SLC6A11: variants seen among roughly 807,000 people sequenced by gnomAD.
SLC6A11 encodes the protein sodium- and chloride-dependent GABA transporter 3.
A neutral mutation model predicts 74.8 loss-of-function variants in SLC6A11; 25 were observed. The observed-to-expected ratio is 0.33, with a 90% CI of 0.24 to 0.47. The LOEUF (loss-of-function observed/expected upper bound fraction) is 0.47, where lower values mean the gene tolerates loss of function less well. SLC6A11 is among the 20% of genes least tolerant of loss of function. The pLI is 1.00. For missense variants in SLC6A11, 574 were observed against 837.0 expected (o/e 0.69, Z 3.88); for synonymous variants, 330 against 330.2 (o/e 1.00, Z 0.01).
Position 10,938,285 on chromosome 3 carries a change from G to C in SLC6A11, c.1782G>C (p.Leu594=). 7 of 1,611,884 alleles carry C rather than the reference G, an allele frequency of 4.3e-6. No individual in the cohort carries two copies. Among genetic ancestry groups the C allele is most frequent in the Non-Finnish European group, 5.1e-6 (6 of 1,178,422 alleles). The change falls in exon 14 of 14, where the codon CTG becomes CTC. Residue 594 remains leucine (L), a synonymous_variant. Transcript: ENST00000254488. ...AGTTGACGACCCCCAGCACAGATCT[G>C]AAAATGCGGGGCAAGCTTGGGGTGA... The part of the protein sequence containing the change: ...LQKLTTPSTD[L]KMRGKLGVSP...
At chr3:10,935,395 A>G in intron 13 of SLC6A11, 196 bp downstream of exon 13, 1 of 572,168 alleles carries the variant, frequency 1.7e-6, no homozygotes, top group South Asian at 2.1e-5. Context: ...TGGCTGAGCC[A>G]GTTTCTAGGA....
At chr3:10,892,992 A>G (rs1575692112) in intron 6 of SLC6A11, among the ~76,000 whole-genome samples, 2 of 152,098 alleles carry the variant, frequency 1.3e-5, no homozygotes, top group South Asian at 4.2e-4. Context: ...ATTTTATCCA[A>G]CTCTACCTCT....
At chr3:10,848,587 A>G (rs1333401242) in intron 5 of SLC6A11, among the ~76,000 whole-genome samples, 3 of 152,152 alleles carry the variant, frequency 2.0e-5, no homozygotes, top group Non-Finnish European at 4.4e-5. Context: ...TGCTTAATAG[A>G]CATTTGTGAA....
intron 8 of SLC6A11, among the ~76,000 whole-genome samples, chr3:10,922,134 A>C (rs1178573377): frequency 6.6e-6 from 1 of 152,208 alleles, no homozygotes; most frequent in African/African-American, 2.4e-5. Flanking sequence ...GACTTCATTG[A>C]TATTTATCAA....
rs745906643 is a variant in SLC6A11, at chr3:10,933,261, G to T, written c.1474+8G>T. Reference sequence around the variant, plus strand: ...GCATCGGCTGGGTGTATGGTGAGTAGCAGCCAAGCCCGTCCACACCCCAGC... The same window carrying T: ...GCATCGGCTGGGTGTATGGTGAGTATCAGCCAAGCCCGTCCACACCCCAGC... On this transcript the variant is annotated splice_region_variant and intron_variant, in intron 11 of 13. Coordinates refer to ENST00000254488, the MANE Select transcript of SLC6A11 (RefSeq NM_014229.3). The T allele has an allele frequency of 3.8e-5, 61 of 1,603,516 alleles. No homozygotes were observed. The East Asian group carries it at 6.7e-4, about 18-fold the overall frequency.
intron 10 of SLC6A11, 77 bp downstream of exon 10, chr3:10,929,416 G>C (rs545598170): frequency 2.0e-6 from 3 of 1,534,876 alleles, no homozygotes; most frequent in African/African-American, 2.7e-5. Context: ...GTGACCAGCT[G>C]TGTGACCCGG....
At chr3:10,919,356 A>G (rs1695503759) in intron 8 of SLC6A11, among the ~76,000 whole-genome samples, 1 of 152,212 alleles carries the variant, frequency 6.6e-6, no homozygotes, top group Non-Finnish European at 1.5e-5. Flanking sequence ...TTTTTCACCT[A>G]CAAGCATGTC....
chr3:10,878,404 C>CT (rs34982364), intron 6 of SLC6A11, among the ~76,000 whole-genome samples: 13,570 of 128,128 alleles, frequency 0.11, 1,054 homozygotes, highest in East Asian at 0.25. Flanking sequence ...TCCACTCATC[C>CT]TTTTTTTTTT....
intron 5 of SLC6A11, among the ~76,000 whole-genome samples, chr3:10,868,624 C>G (rs1694792621): frequency 6.6e-6 from 1 of 152,238 alleles, no homozygotes; most frequent in Non-Finnish European, 1.5e-5. Flanking sequence ...ATTAGACCCT[C>G]CTTTCTCCAC....
intron 6 of SLC6A11, among the ~76,000 whole-genome samples, chr3:10,897,547 C>T (rs1695185587): frequency 6.6e-6 from 1 of 152,202 alleles, no homozygotes; most frequent in Non-Finnish European, 1.5e-5. Context: ...TCTTAAAGCT[C>T]CAAAATGATC....
At position 10,873,399 on chromosome 3, in the gene SLC6A11, G is replaced by GCTATCCTATC. The variant is rs1376789414; in HGVS notation, c.757-1517_757-1508dup. 9.6e-4 allele frequency among the ~76,000 whole-genome samples: 87 copies of GCTATCCTATC among 90,798 alleles called. 2 individuals carry two copies. The highest frequency in any genetic ancestry group is 5.9e-3 in the South Asian group (15 of 2,558). The allele number at this position is 90,798 out of a possible 152,430, so 59.6% of individuals were successfully genotyped here. A position where few individuals can be genotyped will look rare whatever the true frequency, so the allele number is the denominator to read the frequency against. On this transcript the variant is annotated intron_variant, in intron 5 of 13. Transcript: ENST00000254488. ...CCTTCATTATTGTATCCTATCCTAT[G>GCTATCCTATC]CTATCCTATCCTATCCTATCCTATC...
intron 10 of SLC6A11, among the ~76,000 whole-genome samples, chr3:10,929,672 C>T (rs1881364): frequency 0.29 from 43,360 of 152,090 alleles, 6,432 homozygotes; most frequent in East Asian, 0.45. Flanking sequence ...GAAGCAACAA[C>T]GTCAGCTACT....
intron 5 of SLC6A11, among the ~76,000 whole-genome samples, chr3:10,861,936 G>T (rs1694707326): frequency 6.6e-6 from 1 of 152,208 alleles, no homozygotes; most frequent in Non-Finnish European, 1.5e-5. Flanking sequence ...TTGGATGGAT[G>T]GGAGGAGAGT....
At chr3:10,831,091 C>G (rs1023292388) in intron 4 of SLC6A11, among the ~76,000 whole-genome samples, 16 of 152,200 alleles carry the variant, frequency 1.1e-4, no homozygotes, top group African/African-American at 3.9e-4. Flanking sequence ...CAGCCTCCCA[C>G]TTGCTGTGAG....
At chr3:10,839,321 C>G (rs754662055) in intron 4 of SLC6A11, among the ~76,000 whole-genome samples, 2 of 152,220 alleles carry the variant, frequency 1.3e-5, no homozygotes. Flanking sequence ...ATGGTCTCAC[C>G]TCTCATCTGC....
intron 5 of SLC6A11, among the ~76,000 whole-genome samples, chr3:10,863,600 A>C (rs1351929601): frequency 6.6e-6 from 1 of 152,180 alleles, no homozygotes; most frequent in Non-Finnish European, 1.5e-5. Context: ...AGGCTGTGAC[A>C]GGAGTGTTTT....
chr3:10,937,861 T>G (rs542885843), intron 13 of SLC6A11, among the ~76,000 whole-genome samples: 99 of 152,296 alleles, frequency 6.5e-4, no homozygotes, highest in Admixed American at 2.4e-3. Flanking sequence ...GCCCTGGAGA[T>G]GCATTACCAC....
chr3:10,902,949 G>A (rs1163622796), intron 6 of SLC6A11, among the ~76,000 whole-genome samples: 2 of 152,266 alleles, frequency 1.3e-5, no homozygotes, highest in Admixed American at 6.5e-5. Flanking sequence ...AATAACAATG[G>A]CACCCACCTT....
chr3:10,921,553 C>T (rs1413897541), intron 8 of SLC6A11, among the ~76,000 whole-genome samples: 2 of 152,116 alleles, frequency 1.3e-5, no homozygotes, highest in Non-Finnish European at 2.9e-5. Flanking sequence ...GAAAGTGCCA[C>T]AGAGTAAAAC....
Sources: allele counts gnomAD v4.1 joint callset (sites outside exome capture counted in the v4.1 genomes callset), GRCh38; gene constraint gnomAD v4.1.1; transcripts MANE v1.5; gene names NCBI Gene and HGNC (gene_info 2026-07-23, HGNC 2026-07-21).